Variants in ZFHX3 observed in about 807,000 individuals in gnomAD.
ZFHX3 encodes zinc finger homeobox protein 3.
Under a neutral mutation model 279.1 loss-of-function variants are expected in ZFHX3, and 42 were observed. The observed-to-expected ratio is 0.15, with a 90% CI of 0.12 to 0.19. The LOEUF is 0.19. Ranked by LOEUF, ZFHX3 falls within the 10% of genes least tolerant of loss-of-function variation. The pLI is 1.00. For missense variants in ZFHX3, 4,981 were observed against 4,754.0 expected, an observed-to-expected ratio of 1.05 and a Z score of -1.40; for synonymous variants, 2,293 against 1,957.8, an observed-to-expected ratio of 1.17 and a Z score of -4.52.
chr16:73,608,404 G>A (rs563992712), intron 2 of ZFHX3, among the ~76,000 whole-genome samples: 1 of 152,334 alleles, frequency 6.6e-6, no homozygotes, highest in Non-Finnish European at 1.5e-5. Context: ...AAAAACATGT[G>A]TGTTGGAATA....
intron 3 of ZFHX3, among the ~76,000 whole-genome samples, chr16:72,935,243 G>A (rs1302881999): frequency 6.6e-6 from 1 of 152,188 alleles, no homozygotes; most frequent in African/African-American, 2.4e-5. Context: ...GCAGGTCAGA[G>A]CTTCTCTCAC....
chr16:73,075,263 A>C (rs991934749), intron 8 of ZFHX3, among the ~76,000 whole-genome samples: 2 of 146,572 alleles, frequency 1.4e-5, no homozygotes, highest in African/African-American at 4.9e-5. Context: ...GCAGTGAGCC[A>C]TGATCACACC....
intron 4 of ZFHX3, among the ~76,000 whole-genome samples, chr16:72,874,733 A>G (rs2038264619): frequency 6.6e-6 from 1 of 151,844 alleles, no homozygotes; most frequent in Non-Finnish European, 1.5e-5. Context: ...GGCTCCCAGT[A>G]TCCTCCTGCC....
At chr16:73,606,400 C>T (rs1857950382) in intron 2 of ZFHX3, among the ~76,000 whole-genome samples, 2 of 150,826 alleles carry the variant, frequency 1.3e-5, no homozygotes, top group African/African-American at 4.9e-5. Context: ...GCAGGAGAAT[C>T]TCCTGAACCC....
At chr16:72,957,287 T>C (rs1232935454) in intron 2 of ZFHX3, 140 bp downstream of exon 2, 1 of 960,884 alleles carries the variant, frequency 1.0e-6, no homozygotes, top group East Asian at 2.4e-5. Context: ...GAATACTTGA[T>C]TGTAAGACAC....
intron 4 of ZFHX3, among the ~76,000 whole-genome samples, chr16:72,883,030 GTGTGTGTGTGTGTGTGTGTGTGTA>G: frequency 6.8e-6 from 1 of 147,878 alleles, no homozygotes; most frequent in African/African-American, 2.5e-5. Flanking sequence ...GTGTGTGTGT[GTGTGTGTGTGTGTGTGTGTGTGTA>G]GCGGGTAGTG....
chr16:73,416,089 T>TCCTC (rs1312394172), intron 3 of ZFHX3, among the ~76,000 whole-genome samples: 1 of 133,598 alleles, frequency 7.5e-6, no homozygotes, highest in Non-Finnish European at 1.5e-5. Context: ...GCCATTGCAC[T>TCCTC]CCAGCCTGGA....
chr16:73,634,741 C>A (rs2052512815), intron 2 of ZFHX3, among the ~76,000 whole-genome samples: 1 of 151,978 alleles, frequency 6.6e-6, no homozygotes, highest in Non-Finnish European at 1.5e-5. Context: ...GGAAGCAAGA[C>A]CTTCCAAGTC....
chr16:73,890,137 C>T (rs1005563345), intron 1 of ZFHX3, among the ~76,000 whole-genome samples: 1 of 150,812 alleles, frequency 6.6e-6, no homozygotes, highest in Admixed American at 6.7e-5. Context: ...GCAGGCAGAG[C>T]GAATTTGACT....
intron 2 of ZFHX3, among the ~76,000 whole-genome samples, chr16:73,558,707 C>T (rs551553320): frequency 1.7e-4 from 23 of 135,328 alleles, no homozygotes; most frequent in African/African-American, 5.7e-4. Context: ...AAGAAAATGA[C>T]TCTTTTTTTT....
intron 1 of ZFHX3, chr16:73,005,715 G>C (rs376146485): frequency 1.3e-5 from 2 of 152,230 alleles, no homozygotes; most frequent in African/African-American, 4.8e-5. Context: ...GCGTGAACCC[G>C]GGAGGCAGAG....
intron 3 of ZFHX3, among the ~76,000 whole-genome samples, chr16:73,343,129 T>C (rs2143263337): frequency 6.6e-6 from 1 of 152,330 alleles, no homozygotes; most frequent in East Asian, 1.9e-4. Flanking sequence ...ACATGTTTTT[T>C]TCTTTTTCTT....
At position 73,296,877 on chromosome 16, in the gene ZFHX3, A is replaced by ATGTTTTT. The variant is rs755308796; in HGVS notation, c.-1194+21362_-1194+21363insAAAAACA. Among the ~76,000 whole-genome samples, 20 of 116,078 alleles carry ATGTTTTT rather than the reference A, an allele frequency of 1.7e-4. 2 individuals are homozygous for ATGTTTTT. The highest frequency in any genetic ancestry group is 2.4e-4 in the Non-Finnish European group (14 of 57,332). 76.2% of individuals were successfully genotyped at this position (116,078 alleles called of 152,430 possible). A position where few individuals can be genotyped will look rare whatever the true frequency, so the allele number is the denominator to read the frequency against. On this transcript the variant is annotated intron_variant, in intron 4 of 17. Transcript: ENST00000641206. ...TTTATAATTGCCATGTGAAGCAGGAATTTTTTTTTTTTTTTTTTTGAGACG... is the reference window on the plus strand; with the variant it reads ...TTTATAATTGCCATGTGAAGCAGGAATGTTTTTTTTTTTTTTTTTTTTTTTTGAGACG...
At chr16:73,751,253 C>A (rs528382780) in intron 1 of ZFHX3, among the ~76,000 whole-genome samples, 1 of 152,194 alleles carries the variant, frequency 6.6e-6, no homozygotes, top group Non-Finnish European at 1.5e-5. Flanking sequence ...GTTTATTCAA[C>A]AAGTACTCAG....
intron 2 of ZFHX3, chr16:73,679,547 A>G (rs996742606): frequency 3.9e-5 from 6 of 152,194 alleles, no homozygotes; most frequent in Admixed American, 6.5e-5. Flanking sequence ...AAACAAAAAC[A>G]AAAACAAAAA....
intron 1 of ZFHX3, 74 bp from the exon 2 acceptor site, chr16:72,960,268 C>G (rs541666402): frequency 8.0e-7 from 1 of 1,252,224 alleles, no homozygotes; most frequent in Non-Finnish European, 1.1e-6. Context: ...TTAGGAGGGC[C>G]GAGGCTGAGG....
At chr16:72,864,529 T>C (rs2037966061) in intron 4 of ZFHX3, among the ~76,000 whole-genome samples, 1 of 152,180 alleles carries the variant, frequency 6.6e-6, no homozygotes, top group South Asian at 2.1e-4. Flanking sequence ...GTTTAAGCAT[T>C]GTATCTTGGC....
At chr16:73,048,963 C>T (rs920563712), upstream of ZFHX3, among the ~76,000 whole-genome samples, 12 of 152,182 alleles carry the variant, frequency 7.9e-5, no homozygotes, top group Non-Finnish European at 1.6e-4. Context: ...GCCACATCAC[C>T]GCAGAGATAG....
At chr16:72,918,997 G>C (rs889072130) in intron 3 of ZFHX3, among the ~76,000 whole-genome samples, 2 of 151,744 alleles carry the variant, frequency 1.3e-5, no homozygotes, top group Non-Finnish European at 2.9e-5. Context: ...CACCCGGCCT[G>C]TTTAGAGGTA....
Sources: gnomAD v4.1 joint callset for allele counts (sites outside exome capture counted in the v4.1 genomes callset) on GRCh38, gnomAD v4.1.1 for gene constraint, MANE v1.5 for transcripts, NCBI Gene and HGNC (gene_info 2026-07-23, HGNC 2026-07-21) for gene names.